Variants in SPECC1 observed in about 807,000 individuals in gnomAD.
SPECC1 encodes cytospin-B.
Under a neutral mutation model 104.1 loss-of-function variants are expected in SPECC1, and 62 were observed. That is an observed-to-expected ratio of 0.60 (90% CI 0.49 to 0.74). SPECC1 has a LOEUF of 0.74. Ranked by LOEUF, SPECC1 falls within the 30% of genes least tolerant of loss-of-function variation. The pLI, the probability that SPECC1 is intolerant of heterozygous loss-of-function variation, is 0.00. For missense variants in SPECC1, 1,306 were observed against 1,310.5 expected (o/e 1.00, Z 0.05); for synonymous variants, 513 against 501.6 (o/e 1.02, Z -0.30).
At chr17:20,035,282 C>T (rs914980613) in intron 1 of SPECC1, among the ~76,000 whole-genome samples, 1 of 152,000 alleles carries the variant, frequency 6.6e-6, no homozygotes, top group African/African-American at 2.4e-5. Flanking sequence ...TGCATATTTC[C>T]GTATACATTT....
intron 3 of SPECC1, among the ~76,000 whole-genome samples, chr17:20,119,512 G>A (rs1029966812): frequency 6.6e-6 from 1 of 152,266 alleles, no homozygotes; most frequent in East Asian, 1.9e-4. Flanking sequence ...GATTACAGGC[G>A]TGAGCCACCA....
At chr17:20,188,594 T>C (rs985517538) in intron 3 of SPECC1, among the ~76,000 whole-genome samples, 1 of 151,996 alleles carries the variant, frequency 6.6e-6, no homozygotes, top group Non-Finnish European at 1.5e-5. Flanking sequence ...GAAGATATAC[T>C]TATGATGTGA....
At chr17:20,090,465 C>T (rs575872499) in intron 1 of SPECC1, among the ~76,000 whole-genome samples, 70 of 152,204 alleles carry the variant, frequency 4.6e-4, no homozygotes, top group African/African-American at 1.6e-3. Flanking sequence ...TGCAAAGGCC[C>T]GGAGCCAGGA....
intron 3 of SPECC1, among the ~76,000 whole-genome samples, chr17:20,162,363 G>A (rs2033242585): frequency 6.6e-6 from 1 of 150,666 alleles, no homozygotes; most frequent in Admixed American, 6.6e-5. Context: ...AGCCAGGCTG[G>A]TCTCCATCTC....
chr17:20,150,215 C>G (rs1247513689), intron 3 of SPECC1, among the ~76,000 whole-genome samples: 2 of 151,700 alleles, frequency 1.3e-5, no homozygotes, highest in Non-Finnish European at 2.9e-5. Context: ...GATCTCCTGA[C>G]CTGGTGATCT....
At chr17:20,300,529 T>C (rs528992348) in intron 13 of SPECC1, among the ~76,000 whole-genome samples, 1 of 152,258 alleles carries the variant, frequency 6.6e-6, no homozygotes, top group Non-Finnish European at 1.5e-5. Flanking sequence ...CCTGCAGTCA[T>C]CCAGACAGAC....
chr17:20,182,956 A>G (rs2035008248), intron 3 of SPECC1, among the ~76,000 whole-genome samples: 1 of 152,204 alleles, frequency 6.6e-6, no homozygotes, highest in Non-Finnish European at 1.5e-5. Context: ...AAGAGAACAA[A>G]TAATGGGGTA....
Position 20,152,377 on chromosome 17 carries a change from T to G in SPECC1, c.283+41815T>G, listed in dbSNP as rs193253853. ...GAGGGAGACAGCATTGAATTCTGTC[T>G]GAGATGTGCAGGCAGACCAAAGGGG... On this transcript the variant is annotated intron_variant, in intron 3 of 14. Transcript: ENST00000395527. Among the ~76,000 whole-genome samples, 3 of 152,316 alleles carry G rather than the reference T, an allele frequency of 2.0e-5. No individual in the cohort carries two copies. The East Asian group carries it at 5.8e-4, about 29-fold the overall frequency.
chr17:20,220,442 G>C (rs1479415863), intron 4 of SPECC1, among the ~76,000 whole-genome samples: 1 of 151,946 alleles, frequency 6.6e-6, no homozygotes, highest in Non-Finnish European at 1.5e-5. Flanking sequence ...CTATAAATGG[G>C]ATTACTTTCT....
intron 3 of SPECC1, among the ~76,000 whole-genome samples, chr17:20,125,935 G>C (rs2049281704): frequency 6.6e-6 from 1 of 152,198 alleles, no homozygotes; most frequent in East Asian, 1.9e-4. Context: ...TTTAGTCAGG[G>C]CTTTGGAGTG....
chr17:20,131,363 G>A (rs962001914), intron 3 of SPECC1, among the ~76,000 whole-genome samples: 1 of 151,992 alleles, frequency 6.6e-6, no homozygotes, highest in Non-Finnish European at 1.5e-5. Context: ...ATTTTTAGTA[G>A]AGACGGGGTT....
chr17:20,294,406 C>T (rs74929445), intron 12 of SPECC1, among the ~76,000 whole-genome samples: 132 of 152,274 alleles, frequency 8.7e-4, no homozygotes, highest in Middle Eastern at 3.4e-3. Flanking sequence ...GGTGTGCTGA[C>T]GGGGCTGCTG....
At chr17:20,151,310 G>A (rs1001927935) in intron 3 of SPECC1, among the ~76,000 whole-genome samples, 2 of 152,172 alleles carry the variant, frequency 1.3e-5, no homozygotes, top group East Asian at 1.9e-4. Flanking sequence ...GTTGTGAGCC[G>A]CAGCTCCTAG....
intron 3 of SPECC1, among the ~76,000 whole-genome samples, chr17:20,178,309 C>T (rs563924802): frequency 2.6e-4 from 39 of 152,198 alleles, no homozygotes; most frequent in African/African-American, 8.9e-4. Flanking sequence ...GAAATGTTCC[C>T]GTGTCTAGGT....
At chr17:20,238,936 C>G (rs1243124635) in intron 7 of SPECC1, 2 of 1,040,224 alleles carry the variant, frequency 1.9e-6, no homozygotes, top group East Asian at 1.2e-4. Flanking sequence ...TTCTGCAGGG[C>G]CTTTATGTCG....
intron 7 of SPECC1, among the ~76,000 whole-genome samples, chr17:20,245,297 C>G (rs2039373099): frequency 6.6e-6 from 1 of 152,182 alleles, no homozygotes; most frequent in African/African-American, 2.4e-5. Flanking sequence ...CAGAAAGCTG[C>G]CCACCCAGTT....
chr17:20,025,016 G>A (rs1597580542), intron 1 of SPECC1, among the ~76,000 whole-genome samples: 1 of 152,146 alleles, frequency 6.6e-6, no homozygotes, highest in Non-Finnish European at 1.5e-5. Context: ...TAGGAAAAGC[G>A]GACATTAAAA....
intron 3 of SPECC1, among the ~76,000 whole-genome samples, chr17:20,136,306 T>C (rs2029956832): frequency 6.6e-6 from 1 of 151,706 alleles, no homozygotes; most frequent in South Asian, 2.1e-4. Context: ...CGTCTGTTAA[T>C]CCCAGCTACT....
At chr17:20,292,884 A>G (rs533012488) in intron 12 of SPECC1, among the ~76,000 whole-genome samples, 2 of 152,332 alleles carry the variant, frequency 1.3e-5, no homozygotes, top group African/African-American at 4.8e-5. Flanking sequence ...TTTCAGCTAG[A>G]TACTCCTCGC....
Sources: allele counts gnomAD v4.1 joint callset (sites outside exome capture counted in the v4.1 genomes callset), GRCh38; gene constraint gnomAD v4.1.1; transcripts MANE v1.5; gene names NCBI Gene and HGNC (gene_info 2026-07-23, HGNC 2026-07-21).